Variants in MCTP2 observed in about 807,000 individuals in gnomAD.
The protein encoded by MCTP2 is multiple C2 and transmembrane domain containing 2.
Under a neutral mutation model 111.6 loss-of-function variants are expected in MCTP2, and 132 were observed. The observed-to-expected ratio is 1.18, with a 90% CI of 1.03 to 1.37. The LOEUF is 1.37. Among genes scored for constraint, MCTP2 ranks in the 40% most tolerant of loss-of-function variants. The pLI is 0.00. For missense variants in MCTP2, 1,183 were observed against 1,067.9 expected, an observed-to-expected ratio of 1.11 and a Z score of -1.50; for synonymous variants, 395 against 387.7, an observed-to-expected ratio of 1.02 and a Z score of -0.22.
At chr15:94,372,734 A>G (rs1202260530) in intron 12 of MCTP2, among the ~76,000 whole-genome samples, 1 of 152,002 alleles carries the variant, frequency 6.6e-6, no homozygotes, top group Non-Finnish European at 1.5e-5. Context: ...ATGAGCGTTC[A>G]TTTATTGCAG....
At chr15:94,359,408 T>A (rs1018094648) in intron 10 of MCTP2, among the ~76,000 whole-genome samples, 2 of 152,222 alleles carry the variant, frequency 1.3e-5, no homozygotes, top group Non-Finnish European at 2.9e-5. Context: ...CTTGTGTTCA[T>A]TCTGTATACA....
intron 8 of MCTP2, 121 bp downstream of exon 8, chr15:94,345,285 T>C (rs1945522251): frequency 2.1e-6 from 2 of 965,376 alleles, no homozygotes; most frequent in South Asian, 1.5e-5. Context: ...CTTTTCCTCT[T>C]ACTGCTGTTA....
At chr15:94,345,088 T>C in intron 7 of MCTP2, 41 bp from the exon 8 acceptor site, 1 of 1,608,894 alleles carries the variant, frequency 6.2e-7, no homozygotes, top group East Asian at 2.2e-5. Flanking sequence ...TCCTCTGTTT[T>C]ATTTTGCCAT....
At position 94,394,308 on chromosome 15, in the gene MCTP2, G is replaced by A. The variant is rs1053613501; in HGVS notation, c.1789-4653G>A. The stretch of plus-strand genomic sequence containing the variant: ...GCTTGTATTGGAGGTGTATGGTGAA[G>A]ATCAGAGTTGTTAAGTATGAGGTGG... On this transcript the variant is annotated intron_variant, in intron 14 of 22. Transcript: ENST00000357742. Among the ~76,000 whole-genome samples, 6 of 151,958 alleles carry A rather than the reference G, an allele frequency of 3.9e-5. No homozygotes were observed. The South Asian group carries it at 1.2e-3, about 32-fold the overall frequency.
intron 7 of MCTP2, chr15:94,342,592 A>G (rs1168196608): frequency 1.6e-5 from 2 of 125,482 alleles, no homozygotes; most frequent in East Asian, 2.0e-4. Context: ...CCCCATATAT[A>G]CACACACACA....
At chr15:94,297,022 G>A (rs1483420905) in intron 1 of MCTP2, among the ~76,000 whole-genome samples, 1 of 152,146 alleles carries the variant, frequency 6.6e-6, no homozygotes, top group African/African-American at 2.4e-5. Context: ...CTGGGGTGGG[G>A]CACAACAGCC....
intron 1 of MCTP2, among the ~76,000 whole-genome samples, chr15:94,285,272 C>A (rs1260363440): frequency 6.6e-6 from 1 of 152,194 alleles, no homozygotes; most frequent in Admixed American, 6.5e-5. Flanking sequence ...GGGAGCTGGT[C>A]ACAAAGGCAC....
At chr15:94,356,837 T>G (rs1265273542) in intron 9 of MCTP2, among the ~76,000 whole-genome samples, 4 of 152,230 alleles carry the variant, frequency 2.6e-5, no homozygotes, top group Non-Finnish European at 5.9e-5. Flanking sequence ...TTTAACTGTC[T>G]TTGAAAATAA....
chr15:94,343,185 G>A (rs184249053), intron 7 of MCTP2: 2 of 152,060 alleles, frequency 1.3e-5, no homozygotes, highest in Admixed American at 1.3e-4. Flanking sequence ...TGGGCCATGT[G>A]TGGTTATTCA....
At chr15:94,451,356 A>C (rs1303499652) in intron 19 of MCTP2, among the ~76,000 whole-genome samples, 1 of 152,214 alleles carries the variant, frequency 6.6e-6, no homozygotes, top group African/African-American at 2.4e-5. Context: ...TTATTTGGTG[A>C]TGCAGGCTTG....
chr15:94,420,752 G>C (rs1430654208), intron 17 of MCTP2, among the ~76,000 whole-genome samples: 1 of 152,106 alleles, frequency 6.6e-6, no homozygotes, highest in African/African-American at 2.4e-5. Flanking sequence ...ATCTACTCCT[G>C]GTGAAGATGC....
At chr15:94,264,107 G>A (rs2073364485) in intron 1 of MCTP2, among the ~76,000 whole-genome samples, 2 of 152,070 alleles carry the variant, frequency 1.3e-5, no homozygotes, top group Admixed American at 6.5e-5. Flanking sequence ...TTGAACAAGT[G>A]AATCACCTTT....
rs557989149 is a variant in MCTP2 at position 94,325,812 on chromosome 15, A to ATTTTTTTTTTTTTTTTTT, written c.637+10184_637+10201dup. ...GAACCTACTCTACTCCATCGCTCCGATTTTTTTTTTTTTTTTTTTTTTTTT... is the reference window on the plus strand; with the variant it reads ...GAACCTACTCTACTCCATCGCTCCGATTTTTTTTTTTTTTTTTTTTTTTTTTTTTTTTTTTTTTTTTTT... On this transcript the variant is annotated intron_variant, in intron 4 of 22. Coordinates refer to ENST00000357742, the MANE Select transcript of MCTP2 (RefSeq NM_001385001.1). 6.1e-4 allele frequency among the ~76,000 whole-genome samples: 56 copies of ATTTTTTTTTTTTTTTTTT among 91,872 alleles called. 5 individuals carry two copies. Among genetic ancestry groups the ATTTTTTTTTTTTTTTTTT allele is most frequent in the African/African-American group, 1.6e-3 (35 of 22,344 alleles). The allele number at this position is 91,872 out of a possible 152,430, so 60.3% of individuals were successfully genotyped here. A position where few individuals can be genotyped will look rare whatever the true frequency, so the allele number is the denominator to read the frequency against.
chr15:94,400,454 A>G (rs996611653), intron 16 of MCTP2, among the ~76,000 whole-genome samples: 2 of 152,060 alleles, frequency 1.3e-5, no homozygotes, highest in Admixed American at 1.3e-4. Flanking sequence ...GACTGCTCCT[A>G]CCACTTCGGC....
chr15:94,327,267 C>T (rs971484864), intron 4 of MCTP2, among the ~76,000 whole-genome samples: 5 of 152,052 alleles, frequency 3.3e-5, no homozygotes, highest in African/African-American at 1.2e-4. Flanking sequence ...TAGTTTCTGG[C>T]CCAGAGTAGG....
chr15:94,344,214 T>A (rs2077831947), intron 7 of MCTP2, among the ~76,000 whole-genome samples: 1 of 152,236 alleles, frequency 6.6e-6, no homozygotes, highest in African/African-American at 2.4e-5. Flanking sequence ...CATTTCTAGT[T>A]GCTGGTCAAT....
Position 94,390,113 on chromosome 15 carries a change from T to TATATATATATATAC in MCTP2, c.1788+4588_1788+4589insATATATATATATAC, listed in dbSNP as rs1567603520. ...ATGTATATATATATATATATATATA[T>TATATATATATATAC]GTATATATATATATATATACTTAGA... On this transcript the variant is annotated intron_variant, in intron 14 of 22. Coordinates refer to ENST00000357742, the MANE Select transcript of MCTP2 (RefSeq NM_001385001.1). Among the ~76,000 whole-genome samples the TATATATATATATAC allele has an allele frequency of 2.0e-4, 9 of 45,948 alleles. 1 individual carries two copies. Among genetic ancestry groups the TATATATATATATAC allele is most frequent in the African/African-American group, 4.7e-4 (8 of 16,892 alleles). The allele number at this position is 45,948 out of a possible 152,430, so 30.1% of individuals were successfully genotyped here. A position where few individuals can be genotyped will look rare whatever the true frequency, so the allele number is the denominator to read the frequency against.
At chr15:94,401,476 T>G (rs1041838495) in intron 16 of MCTP2, among the ~76,000 whole-genome samples, 2 of 152,312 alleles carry the variant, frequency 1.3e-5, no homozygotes, top group East Asian at 3.9e-4. Context: ...TTCATTTGCT[T>G]CCAAACTAAA....
intron 17 of MCTP2, among the ~76,000 whole-genome samples, chr15:94,414,667 T>C (rs1596635267): frequency 6.6e-6 from 1 of 152,104 alleles, no homozygotes; most frequent in East Asian, 1.9e-4. Flanking sequence ...TATTTGATTT[T>C]CCCCCTTTGC....
Sources: allele counts gnomAD v4.1 joint callset (sites outside exome capture counted in the v4.1 genomes callset), GRCh38; gene constraint gnomAD v4.1.1; transcripts MANE v1.5; gene names NCBI Gene and HGNC (gene_info 2026-07-23, HGNC 2026-07-21).